Variants in ADAMTS17 observed in about 807,000 individuals in gnomAD.
ADAMTS17 encodes A disintegrin and metalloproteinase with thrombospondin motifs 17.
ADAMTS17 carries 113 observed loss-of-function variants against 141.5 expected under a neutral mutation model. The observed-to-expected ratio is 0.80, with a 90% confidence interval of 0.69 to 0.93. The LOEUF (loss-of-function observed/expected upper bound fraction) is 0.93. Among genes scored for constraint, ADAMTS17 ranks in the 40% least tolerant of loss-of-function variants. The pLI is 0.00. For synonymous variants in ADAMTS17, 768 were observed against 630.6 expected (o/e 1.22, Z -3.27); for missense variants, 1,659 against 1,517.9 (o/e 1.09, Z -1.54).
chr15:100,097,880 T>C (rs2035859464), intron 14 of ADAMTS17, among the ~76,000 whole-genome samples: 2 of 152,134 alleles, frequency 1.3e-5, no homozygotes, highest in African/African-American at 4.8e-5. Context: ...GAGCCTTTTA[T>C]TTTTTTGAAA....
intron 18 of ADAMTS17, among the ~76,000 whole-genome samples, chr15:100,045,343 C>A (rs2031603551): frequency 6.6e-6 from 1 of 152,070 alleles, no homozygotes; most frequent in African/African-American, 2.4e-5. Context: ...ATATTTATAG[C>A]AGATTTCAAT....
intron 15 of ADAMTS17, among the ~76,000 whole-genome samples, chr15:100,092,880 G>C (rs755901748): frequency 6.6e-6 from 1 of 152,202 alleles, no homozygotes; most frequent in African/African-American, 2.4e-5. Flanking sequence ...TGGTCACCTG[G>C]AGACTGACCA....
At chr15:100,073,842 C>T (rs1290504935) in intron 15 of ADAMTS17, among the ~76,000 whole-genome samples, 1 of 151,506 alleles carries the variant, frequency 6.6e-6, no homozygotes, top group Non-Finnish European at 1.5e-5. Context: ...TGCAGCACAC[C>T]AACATGGCAC....
chr15:100,261,762 C>A (rs1440349160), intron 5 of ADAMTS17, 126 bp from the exon 6 acceptor site: 48 of 1,053,360 alleles, frequency 4.6e-5, no homozygotes, highest in East Asian at 5.2e-5. Context: ...TGACTCACGG[C>A]CCTCGAAGAA....
chr15:99,979,730 A>G (rs1336175261), intron 20 of ADAMTS17: 4 of 152,262 alleles, frequency 2.6e-5, no homozygotes, highest in East Asian at 1.9e-4. Context: ...AACTGCTTCT[A>G]TTCAACTGTT....
At chr15:100,276,553 G>A (rs1172354497) in intron 4 of ADAMTS17, among the ~76,000 whole-genome samples, 16 of 151,538 alleles carry the variant, frequency 1.1e-4, no homozygotes, top group Admixed American at 2.0e-4. Context: ...CCATCAGCAC[G>A]AATCATGCTA....
intron 8 of ADAMTS17, among the ~76,000 whole-genome samples, chr15:100,195,375 T>A (rs2041072372): frequency 6.6e-6 from 1 of 152,060 alleles, no homozygotes. Context: ...AGCTCAGTGG[T>A]TACACGGGAG....
Position 100,298,624 on chromosome 15 carries a change from T to C in ADAMTS17, c.617-17223A>G, listed in dbSNP as rs139835554. 7.5e-4 allele frequency among the ~76,000 whole-genome samples: 114 copies of C among 152,162 alleles called. 1 individual carries two copies. In the Middle Eastern group the frequency reaches 0.014, roughly 18 times the overall value. ...GAGGGAGAAAGAAAGGGAAATCATATACATTGCATTAGGGAAGAACAAAGC... is the reference window on the plus strand; with the variant it reads ...GAGGGAGAAAGAAAGGGAAATCATACACATTGCATTAGGGAAGAACAAAGC... On this transcript the variant is annotated intron_variant, in intron 3 of 21. Coordinates refer to ENST00000268070, the MANE Select transcript of ADAMTS17 (RefSeq NM_139057.4).
chr15:100,263,240 C>T (rs2043594073), intron 4 of ADAMTS17, among the ~76,000 whole-genome samples: 1 of 152,094 alleles, frequency 6.6e-6, no homozygotes, highest in African/African-American at 2.4e-5. Flanking sequence ...TGCCACACCC[C>T]ACCAAGGCTG....
intron 3 of ADAMTS17, among the ~76,000 whole-genome samples, chr15:100,294,578 C>T (rs1025586396): frequency 1.3e-5 from 2 of 151,396 alleles, no homozygotes; most frequent in Non-Finnish European, 2.9e-5. Flanking sequence ...GATGGTGGCA[C>T]GTGCTTGTAG....
At chr15:100,094,762 C>T (rs1171783383) in intron 15 of ADAMTS17, among the ~76,000 whole-genome samples, 9 of 152,208 alleles carry the variant, frequency 5.9e-5, no homozygotes, top group Non-Finnish European at 1.2e-4. Flanking sequence ...TAATCCTTTA[C>T]CAACTGCAGG....
intron 6 of ADAMTS17, among the ~76,000 whole-genome samples, chr15:100,255,567 CTAGCCCCAGCCCAACAT>C (rs2043297190): frequency 6.6e-6 from 1 of 150,630 alleles, no homozygotes; most frequent in East Asian, 1.9e-4. Context: ...CCATACCTAC[CTAGCCCCAGCCCAACAT>C]TCAGCACCCT....
chr15:100,154,864 C>T (rs1390242414), intron 9 of ADAMTS17, among the ~76,000 whole-genome samples: 1 of 152,198 alleles, frequency 6.6e-6, no homozygotes, highest in Non-Finnish European at 1.5e-5. Context: ...AGGGGCGCCC[C>T]AAGGTGACCA....
intron 14 of ADAMTS17, among the ~76,000 whole-genome samples, chr15:100,097,805 G>A (rs1263518610): frequency 6.6e-6 from 1 of 152,214 alleles, no homozygotes; most frequent in Non-Finnish European, 1.5e-5. Context: ...GCTGCATCAT[G>A]GCATGCTACT....
intron 4 of ADAMTS17, among the ~76,000 whole-genome samples, chr15:100,280,040 C>A (rs1051105600): frequency 2.0e-5 from 3 of 152,138 alleles, no homozygotes; most frequent in Non-Finnish European, 4.4e-5. Flanking sequence ...AGCTTCTCTA[C>A]TCACTGACAC....
At chr15:100,247,925 G>A (rs1465961057) in intron 7 of ADAMTS17, among the ~76,000 whole-genome samples, 2 of 152,112 alleles carry the variant, frequency 1.3e-5, no homozygotes, top group Non-Finnish European at 1.5e-5. Flanking sequence ...TCCTCACACC[G>A]GAAGGGCAGT....
intron 16 of ADAMTS17, among the ~76,000 whole-genome samples, chr15:100,052,519 G>A (rs2032226106): frequency 1.3e-5 from 2 of 152,162 alleles, no homozygotes; most frequent in African/African-American, 4.8e-5. Context: ...TCACTTTAAC[G>A]GGCTAACCAC....
In ADAMTS17 at chr15:100,051,587, C is replaced by T. The variant is rs553001754; in HGVS notation, c.2440G>A (p.Val814Met). 2 of 1,613,882 alleles carry T rather than the reference C, an allele frequency of 1.2e-6. No homozygotes were observed. The highest frequency in any genetic ancestry group is 3.3e-5 in the Admixed American group (2 of 60,014). The change falls in exon 17 of 22, where the codon GTG (valine) becomes ATG (methionine). Residue 814 changes from valine (V) to methionine (M), a missense_variant. By Grantham distance (21) the Val-to-Met change is conservative. Coordinates refer to ENST00000268070, the MANE Select transcript of ADAMTS17 (RefSeq NM_139057.4). ...GGCCACTCACCTCCGCCGCACTGCACACTGCACCCTTCCCAGCCGCTGTGG... is the reference window on the plus strand; with the variant it reads ...GGCCACTCACCTCCGCCGCACTGCATACTGCACCCTTCCCAGCCGCTGTGG... ...WTHSGWEGCS[V>M]QCGGGERRTI...
chr15:100,098,430 T>C (rs2035895268), intron 14 of ADAMTS17, among the ~76,000 whole-genome samples: 1 of 151,958 alleles, frequency 6.6e-6, no homozygotes, highest in South Asian at 2.1e-4. Context: ...GGGTGGATCA[T>C]GAGGTCAGGA....
Sources: gnomAD v4.1 joint callset for allele counts (sites outside exome capture counted in the v4.1 genomes callset) on GRCh38, gnomAD v4.1.1 for gene constraint, MANE v1.5 for transcripts, NCBI Gene and HGNC (gene_info 2026-07-23, HGNC 2026-07-21) for gene names.